The following TNRC6B variants were observed in gnomAD, a reference collection of about 807,000 sequenced individuals.
TNRC6B encodes the protein trinucleotide repeat-containing gene 6B protein.
In TNRC6B, 52 loss-of-function variants were observed where a neutral mutation model predicts 203.6. The observed-to-expected ratio is 0.26, with a 90% CI of 0.20 to 0.32. The LOEUF (loss-of-function observed/expected upper bound fraction) is 0.32. Ranked by LOEUF, TNRC6B falls within the 10% of genes least tolerant of loss-of-function variation. The pLI is 1.00. For missense variants in TNRC6B, 1,923 were observed against 2,286.2 expected, an observed-to-expected ratio of 0.84 and a Z score of 3.24; for synonymous variants, 838 against 845.7, an observed-to-expected ratio of 0.99 and a Z score of 0.16.
At chr22:40,148,871 G>A (rs1273037822) in intron 3 of TNRC6B, among the ~76,000 whole-genome samples, 1 of 152,144 alleles carries the variant, frequency 6.6e-6, no homozygotes, top group Non-Finnish European at 1.5e-5. Flanking sequence ...GTAAGCCAAG[G>A]AGAGCAGACT....
intron 1 of TNRC6B, among the ~76,000 whole-genome samples, chr22:40,225,257 C>A (rs2069767334): frequency 6.6e-6 from 1 of 151,992 alleles, no homozygotes; most frequent in South Asian, 2.1e-4. Flanking sequence ...GAGATGGAGG[C>A]AAAAGAACTT....
In TNRC6B at chr22:40,322,899, T is replaced by C; in HGVS notation, c.5160T>C (p.Asp1720=). ...NTTILAEFAT[D]DEVSRFLAQA... ...CCATCCTTGCTGAGTTTGCCACTGA[T>C]GATGAAGTCAGCCGCTTTCTGGCAC... is the stretch of plus-strand genomic sequence containing the variant. Residue 1720 remains aspartate (D), a synonymous_variant, in exon 23 of 23, where the codon GAT becomes GAC. Transcript: ENST00000454349. 6.2e-7 allele frequency: 1 copy of C among 1,614,002 alleles called. No individual in the cohort carries two copies. The highest frequency in any genetic ancestry group is 8.5e-7 in the Non-Finnish European group (1 of 1,179,890).
intron 1 of TNRC6B, among the ~76,000 whole-genome samples, chr22:40,045,808 T>A (rs1320421374): frequency 6.6e-6 from 1 of 152,326 alleles, no homozygotes; most frequent in Admixed American, 6.5e-5. Flanking sequence ...CCAGTAACGG[T>A]CACCTCTAGT....
chr22:40,311,558 T>G (rs999821365), intron 17 of TNRC6B, among the ~76,000 whole-genome samples: 4 of 152,040 alleles, frequency 2.6e-5, no homozygotes, highest in East Asian at 1.9e-4. Flanking sequence ...TTTTTTTTTT[T>G]GAAAGGGAGT....
At chr22:40,243,141 T>G (rs1179999169) in intron 1 of TNRC6B, among the ~76,000 whole-genome samples, 1 of 152,138 alleles carries the variant, frequency 6.6e-6, no homozygotes, top group Non-Finnish European at 1.5e-5. Context: ...AGTGCTGGGA[T>G]TACAGGCGTG....
At chr22:40,246,272 C>G in intron 2 of TNRC6B, 170 bp downstream of exon 2, 1 of 426,384 alleles carries the variant, frequency 2.3e-6, no homozygotes, top group South Asian at 2.7e-5. Flanking sequence ...TCACTACAAC[C>G]TCCGCTTCCC....
intron 1 of TNRC6B, among the ~76,000 whole-genome samples, chr22:40,110,823 AC>A (rs1178431287): frequency 6.6e-6 from 1 of 152,242 alleles, no homozygotes; most frequent in African/African-American, 2.4e-5. Flanking sequence ...ATAGACTGTT[AC>A]AGCTGATAAG....
intron 3 of TNRC6B, among the ~76,000 whole-genome samples, chr22:40,132,969 A>AAATATATATATATATATATAT (rs1282694632): frequency 3.8e-5 from 3 of 78,168 alleles, no homozygotes; most frequent in Non-Finnish European, 7.9e-5. Context: ...AAAAAAAAAA[A>AAATATATATATATATATATAT]ATATATATAT....
chr22:40,236,390 T>C (rs1262591682), intron 1 of TNRC6B, among the ~76,000 whole-genome samples: 1 of 152,192 alleles, frequency 6.6e-6, no homozygotes, highest in Non-Finnish European at 1.5e-5. Flanking sequence ...CATAATTCCA[T>C]GGAGATTCAT....
At chr22:40,184,590 A>G (rs2069176902) in intron 1 of TNRC6B, among the ~76,000 whole-genome samples, 1 of 152,198 alleles carries the variant, frequency 6.6e-6, no homozygotes, top group Admixed American at 6.5e-5. Flanking sequence ...TTGAAAGACG[A>G]TTCTGGTGTG....
intron 1 of TNRC6B, among the ~76,000 whole-genome samples, chr22:40,053,515 G>T (rs1181791108): frequency 6.6e-6 from 1 of 152,136 alleles, no homozygotes; most frequent in Non-Finnish European, 1.5e-5. Context: ...AGGTGAAATG[G>T]TTAATTCTTC....
chr22:40,103,233 A>G (rs535595745), intron 1 of TNRC6B, among the ~76,000 whole-genome samples: 27 of 150,960 alleles, frequency 1.8e-4, no homozygotes, highest in African/African-American at 6.1e-4. Flanking sequence ...GTGCCACTGC[A>G]CTCCAGCCTG....
chr22:40,266,872 A>G lies in TNRC6B; in HGVS notation c.2642A>G (p.Gln881Arg). The change falls in exon 5 of 23, where the codon CAG (glutamine) becomes CGG (arginine). Residue 881 changes from glutamine to arginine, a missense_variant. Around this residue, in one of 8 missense-constraint regions of TNRC6B, gnomAD observed 599 missense variants for 656.5 expected, o/e 0.91. Transcript: ENST00000454349. ...AGTGGTTGGGAAGAGCCATCCCCAC[A>G]GTCAATTAGTCGGAAAATGGACATT... ...EPSGWEEPSPQSISRKMDIDD... is the reference protein window; with the variant it reads ...EPSGWEEPSPRSISRKMDIDD... 1 of 1,614,032 alleles carries G rather than the reference A, an allele frequency of 6.2e-7. No individual in the cohort carries two copies. Among genetic ancestry groups the G allele is most frequent in the Non-Finnish European group, 8.5e-7 (1 of 1,179,898 alleles).
intron 1 of TNRC6B, among the ~76,000 whole-genome samples, chr22:40,056,912 T>TG (rs1436520564): frequency 1.3e-5 from 2 of 152,110 alleles, no homozygotes; most frequent in Non-Finnish European, 2.9e-5. Flanking sequence ...GCAGATTTGA[T>TG]GGGGCAAGGC....
chr22:40,106,913 T>C, intron 1 of TNRC6B: 1 of 992,966 alleles, frequency 1.0e-6, no homozygotes, highest in Non-Finnish European at 1.6e-6. Flanking sequence ...CGCTTTTTCA[T>C]GGATAAACTT....
At position 40,117,053 on chromosome 22, in the gene TNRC6B, AG is replaced by A. The variant is rs2068393755; in HGVS notation, c.-119del. 2.0e-5 allele frequency: 3 copies of A among 152,436 alleles called. 1 individual carries two copies. In the South Asian group the frequency reaches 6.2e-4, roughly 32 times the overall value. 9.4% of individuals were successfully genotyped at this position (152,436 alleles called of 1,614,324 possible). A position where few individuals can be genotyped will look rare whatever the true frequency, so the allele number is the denominator to read the frequency against. ...TTCATAGTGATTTTTTTCTCTTTTCAGGGTTGTGGTTTTTTGCACTGAATGT... is the reference window on the plus strand; with the variant it reads ...TTCATAGTGATTTTTTTCTCTTTTCAGGTTGTGGTTTTTTGCACTGAATGT... On this transcript the variant is annotated splice_acceptor_variant, in intron 1 of 23. Coordinates refer to the TNRC6B transcript ENST00000301923. LOFTEE classifies it low-confidence loss of function (5UTR_SPLICE).
intron 19 of TNRC6B, 118 bp from the exon 20 acceptor site, chr22:40,315,165 T>TA: frequency 1.3e-6 from 1 of 788,680 alleles, no homozygotes; most frequent in Non-Finnish European, 2.1e-6. Flanking sequence ...TGTGTACTAT[T>TA]ACTTTTTAGA....
In TNRC6B at chr22:40,312,483, ATAT is replaced by A. The variant is rs1182752134; in HGVS notation, c.4436-20_4436-18del. 1.9e-6 allele frequency: 3 copies of A among 1,598,194 alleles called. No individual in the cohort carries two copies. In the African/African-American group the frequency reaches 4.0e-5, roughly 22 times the overall value. The stretch of plus-strand genomic sequence containing the variant: ...TTTTTTTAACGACCTTCCTTCTCTA[ATAT>A]TTGTTTTCCTTGTCTCAGAATTCCA... On this transcript the variant is annotated intron_variant, in intron 17 of 22. Coordinates refer to ENST00000454349, the MANE Select transcript of TNRC6B (RefSeq NM_001162501.2).
chr22:40,208,111 CAAAAAA>C (rs905832467), intron 1 of TNRC6B, among the ~76,000 whole-genome samples: 2 of 74,920 alleles, frequency 2.7e-5, no homozygotes, highest in Non-Finnish European at 6.7e-5. Flanking sequence ...GACTCCATCT[CAAAAAA>C]AAAAAAAAAA....
Sources: gnomAD v4.1 joint callset for allele counts (sites outside exome capture counted in the v4.1 genomes callset) on GRCh38, gnomAD v4.1.1 for gene constraint, gnomAD v4.1.1 regional missense constraint, MANE v1.5 for transcripts, NCBI Gene and HGNC (gene_info 2026-07-23, HGNC 2026-07-21) for gene names.